DCLRE1C: variants seen among roughly 807,000 people sequenced by gnomAD.
DCLRE1C encodes the protein DNA cross-link repair 1C, also known as protein artemis.
A neutral mutation model predicts 61.4 loss-of-function variants in DCLRE1C; 47 were observed. The observed-to-expected ratio is 0.77, with a 90% CI of 0.61 to 0.98. The LOEUF is 0.98. DCLRE1C is among the 50% of genes least tolerant of loss of function. The pLI, the probability that DCLRE1C is intolerant of heterozygous loss-of-function variation, is 0.00. For missense variants in DCLRE1C, 858 were observed against 816.0 expected, an observed-to-expected ratio of 1.05 and a Z score of -0.63; for synonymous variants, 337 against 287.6, an observed-to-expected ratio of 1.17 and a Z score of -1.74.
intron 11 of DCLRE1C, 154 bp from the exon 12 acceptor site, chr10:14,923,223 GA>G: frequency 4.6e-6 from 3 of 648,584 alleles, no homozygotes; most frequent in Non-Finnish European, 8.4e-6. Context: ...GACCTCTTGG[GA>G]AAAAAATATC....
intron 13 of DCLRE1C, among the ~76,000 whole-genome samples, chr10:14,918,587 A>G (rs1029460372): frequency 1.3e-5 from 2 of 151,712 alleles, no homozygotes; most frequent in Admixed American, 6.6e-5. Flanking sequence ...TACACCTTAC[A>G]TGTGCAGTTT....
intron 8 of DCLRE1C, 94 bp from the exon 9 acceptor site, chr10:14,933,049 G>A: frequency 7.5e-7 from 1 of 1,338,786 alleles, no homozygotes; most frequent in Non-Finnish European, 1.1e-6. Flanking sequence ...CCCAGTTAGT[G>A]AATTAACCCT....
rs80033557 is a variant in DCLRE1C, at chr10:14,941,261, A to G, written c.247-1392T>C. On this transcript the variant is annotated intron_variant, in intron 3 of 13. Transcript: ENST00000378278. ...TGTTCCACACATTCTGACATGCCAC[A>G]TTTCCATTGTCCATCAGCTCCTTTA... Among the ~76,000 whole-genome samples the G allele has an allele frequency of 9.7e-4, 141 of 146,026 alleles. 1 individual carries two copies. The highest frequency in any genetic ancestry group is 7.1e-3 in the South Asian group (33 of 4,680).
downstream of DCLRE1C, chr10:14,901,382 C>A: frequency 7.5e-7 from 1 of 1,331,968 alleles, no homozygotes; most frequent in Non-Finnish European, 1.0e-6. Context: ...AGTTGAGGCA[C>A]TAAGTTTGTC....
intron 3 of DCLRE1C, 80 bp from the exon 4 acceptor site, chr10:14,939,949 T>A (rs1315659695): frequency 4.5e-6 from 5 of 1,103,252 alleles, no homozygotes; most frequent in Non-Finnish European, 6.7e-6. Flanking sequence ...AACACAGAAA[T>A]GGGGCAAAGA....
At chr10:14,899,462 G>A (rs1833842801) in intron 13 of DCLRE1C, 26 of 1,458,312 alleles carry the variant, frequency 1.8e-5, no homozygotes, top group South Asian at 1.3e-4. Flanking sequence ...GTAGGTATTC[G>A]CATATTAGTA....
At chr10:14,922,327 G>T (rs1837250777) in intron 12 of DCLRE1C, among the ~76,000 whole-genome samples, 1 of 152,010 alleles carries the variant, frequency 6.6e-6, no homozygotes, top group Non-Finnish European at 1.5e-5. Context: ...TGTAGTCACA[G>T]CTACTCGGGA....
rs41297034 is a variant in DCLRE1C at position 14,934,311 on chromosome 10, T to A, written c.678+69A>T. On this transcript the variant is annotated intron_variant, in intron 8 of 13. Coordinates refer to ENST00000378278, the MANE Select transcript of DCLRE1C (RefSeq NM_001033855.3). ...TCACTACACTCCAGCCTGGGCAACA[T>A]AGCAAGACTCCCTCTCAAAAAAAAA... 11,286 of 1,551,464 alleles carry A rather than the reference T, an allele frequency of 7.3e-3. 53 individuals carry two copies. The highest frequency in any genetic ancestry group is 8.7e-3 in the Non-Finnish European group (10,070 of 1,161,314).
chr10:14,945,650 ATTC>A, intron 2 of DCLRE1C: 8 of 370,876 alleles, frequency 2.2e-5, no homozygotes, highest in Non-Finnish European at 2.7e-5. Flanking sequence ...GTATAAGTCT[ATTC>A]TTTTTTTTTT....
intron 13 of DCLRE1C, among the ~76,000 whole-genome samples, chr10:14,916,993 A>G (rs1836305502): frequency 6.6e-6 from 1 of 152,230 alleles, no homozygotes; most frequent in African/African-American, 2.4e-5. Context: ...AACTTAAAGC[A>G]CCTGACTTCA....
At chr10:14,899,044 TAAATC>T (rs1833803693) in exon 14 of DCLRE1C, 2 of 583,266 alleles carry the variant, frequency 3.4e-6, no homozygotes, top group East Asian at 5.5e-5. Flanking sequence ...TAAAAAGTCA[TAAATC>T]AACCAGTTAC....
At chr10:14,901,114 T>C, downstream of DCLRE1C, 3 of 1,613,224 alleles carry the variant, frequency 1.9e-6, no homozygotes, top group African/African-American at 2.7e-5. Context: ...CTTAAATGGG[T>C]TCTAATGTTC....
chr10:14,912,527 C>T (rs1280746913), intron 13 of DCLRE1C, among the ~76,000 whole-genome samples: 1 of 152,156 alleles, frequency 6.6e-6, no homozygotes, highest in Non-Finnish European at 1.5e-5. Context: ...ACCCAGATGT[C>T]CATCAGCTGG....
At position 14,953,970 on chromosome 10, in the gene DCLRE1C, A is replaced by C. The variant is rs752159513; in HGVS notation, c.41T>G (p.Ile14Ser). 1 of 1,613,980 alleles carries C rather than the reference A, an allele frequency of 6.2e-7. No homozygotes were observed. ...FEGQMAEYPTISIDRFDRENL... is the reference protein window; with the variant it reads ...FEGQMAEYPTSSIDRFDRENL... The stretch of plus-strand genomic sequence containing the variant: ...CTCCCTATCGAAGCGGTCTATGGAG[A>C]TAGTTGGATACTCGGCCATCTGCCC... The change falls in exon 1 of 14, where the codon ATC becomes AGC. Residue 14 changes from isoleucine to serine, a missense_variant. Transcript: ENST00000378278.
chr10:14,909,028 G>T lies in DCLRE1C; in HGVS notation c.1459C>A (p.Pro487Thr), dbSNP rs116202790. 2 of 1,613,968 alleles carry T rather than the reference G, an allele frequency of 1.2e-6. No individual in the cohort carries two copies. Among genetic ancestry groups the T allele is most frequent in the Non-Finnish European group, 1.7e-6 (2 of 1,179,994 alleles). Reference protein sequence around the residue: ...LHLQKADGDVPQWEVFFKRND... With the variant: ...LHLQKADGDVTQWEVFFKRND... ...CTTTTAAAGAATACTTCCCACTGGG[G>T]TACATCCCCATCAGCCTTTTGCAGG... The change falls in exon 14 of 14, where the codon CCC (proline) becomes ACC (threonine). Residue 487 changes from proline to threonine, a missense_variant. Physicochemically the swap from Pro to Thr is conservative, Grantham distance 38. Transcript: ENST00000378278.
chr10:14,948,211 A>C (rs973563433), intron 2 of DCLRE1C, among the ~76,000 whole-genome samples: 1 of 131,808 alleles, frequency 7.6e-6, no homozygotes, highest in East Asian at 2.0e-4. Flanking sequence ...CCGTCTCTAC[A>C]AAAAAAAAAA....
At chr10:14,941,733 T>C (rs1840894185) in intron 3 of DCLRE1C, among the ~76,000 whole-genome samples, 1 of 152,300 alleles carries the variant, frequency 6.6e-6, no homozygotes, top group Non-Finnish European at 1.5e-5. Flanking sequence ...ATTGCCTTCT[T>C]TTGTGACACA....
intron 13 of DCLRE1C, among the ~76,000 whole-genome samples, chr10:14,910,106 G>C (rs986659700): frequency 6.6e-6 from 1 of 152,180 alleles, no homozygotes; most frequent in Non-Finnish European, 1.5e-5. Flanking sequence ...CCACTTAAAT[G>C]ATGTGGCTAA....
chr10:14,900,405 A>G (rs1833920182), downstream of DCLRE1C, among the ~76,000 whole-genome samples: 1 of 152,230 alleles, frequency 6.6e-6, no homozygotes. Context: ...CTGAACATAT[A>G]AAGGAAGTAG....
Sources: gnomAD v4.1 joint callset for allele counts (sites outside exome capture counted in the v4.1 genomes callset) on GRCh38, gnomAD v4.1.1 for gene constraint, MANE v1.5 for transcripts, NCBI Gene and HGNC (gene_info 2026-07-23, HGNC 2026-07-21) for gene names.